The following IQCM variants were observed in gnomAD, a reference collection of about 807,000 sequenced individuals.
IQCM encodes the protein IQ domain-containing protein M.
In IQCM, 45 loss-of-function variants were observed where a neutral mutation model predicts 57.6. The observed-to-expected ratio is 0.78, with a 90% CI of 0.62 to 1.00. The LOEUF is 1.00. IQCM is among the 50% of genes least tolerant of loss of function. The probability of loss-of-function intolerance (pLI) is 0.00; values close to 1 mark genes in which losing one functional copy is unlikely to be tolerated. For missense variants in IQCM, 468 were observed against 511.6 expected (o/e 0.91, Z 0.82); for synonymous variants, 148 against 158.9 (o/e 0.93, Z 0.51).
intron 13 of IQCM, among the ~76,000 whole-genome samples, chr4:149,399,024 C>T (rs780899591): frequency 6.6e-5 from 10 of 152,020 alleles, no homozygotes; most frequent in Non-Finnish European, 1.5e-4. Context: ...CATGAGCAAC[C>T]GTGCCTGGTC....
chr4:149,813,213 G>A, intron 2 of IQCM, among the ~76,000 whole-genome samples: 1 of 151,952 alleles, frequency 6.6e-6, no homozygotes, highest in African/African-American at 2.4e-5. Flanking sequence ...TTCTACACCA[G>A]ACCCTGCTGT....
intron 8 of IQCM, among the ~76,000 whole-genome samples, chr4:149,614,733 A>G (rs1755628349): frequency 6.6e-6 from 1 of 152,188 alleles, no homozygotes; most frequent in Non-Finnish European, 1.5e-5. Context: ...GCTAAAAAGA[A>G]AAATCGCCAA....
At chr4:149,769,576 A>G (rs2149983888) in intron 2 of IQCM, among the ~76,000 whole-genome samples, 1 of 152,172 alleles carries the variant, frequency 6.6e-6, no homozygotes, top group Admixed American at 6.6e-5. Flanking sequence ...AAAGTTTAAA[A>G]GTAAAAGGAT....
rs1767573192 is a variant in IQCM, at chr4:149,742,716, T to C, written c.-25A>G. 4.9e-6 allele frequency: 6 copies of C among 1,230,140 alleles called. 1 individual carries two copies. In the South Asian group the frequency reaches 2.5e-4, roughly 51 times the overall value. The allele number at this position is 1,230,140 out of a possible 1,614,324, so 76.2% of individuals were successfully genotyped here. On this transcript the variant is annotated 5_prime_UTR_variant, in exon 3 of 14. Transcript: ENST00000636793. ...TGAGGGGCAGTTAGAATGATCTTCT[T>C]TTTTAAAGTGTGAGCTCCAAGTCCT... is the stretch of plus-strand genomic sequence containing the variant.
chr4:149,686,053 T>C (rs1478466470), intron 6 of IQCM, among the ~76,000 whole-genome samples: 2 of 151,576 alleles, frequency 1.3e-5, no homozygotes, highest in African/African-American at 4.8e-5. Flanking sequence ...AGATGAGTTA[T>C]TAAAATTCTA....
chr4:149,554,848 C>G (rs1749410343), intron 10 of IQCM, among the ~76,000 whole-genome samples: 1 of 151,644 alleles, frequency 6.6e-6, no homozygotes, highest in African/African-American at 2.4e-5. Context: ...TACAGGCGCC[C>G]CCCACCACGC....
intron 7 of IQCM, among the ~76,000 whole-genome samples, chr4:149,628,205 T>C (rs1279501854): frequency 6.6e-6 from 1 of 152,088 alleles, no homozygotes; most frequent in Non-Finnish European, 1.5e-5. Context: ...AATCTAAAAA[T>C]ATTCTGCTAG....
intron 8 of IQCM, among the ~76,000 whole-genome samples, chr4:149,593,500 A>G (rs954316457): frequency 6.6e-6 from 1 of 152,124 alleles, no homozygotes; most frequent in Non-Finnish European, 1.5e-5. Context: ...TATGTTGAAT[A>G]AGAGTGGTGA....
At chr4:149,380,536 A>G (rs1050029689) in intron 13 of IQCM, among the ~76,000 whole-genome samples, 2 of 152,102 alleles carry the variant, frequency 1.3e-5, no homozygotes, top group Admixed American at 6.6e-5. Context: ...ATATGCTTAG[A>G]TCAGGGAGGA....
At chr4:149,696,509 G>T (rs552916543) in intron 5 of IQCM, among the ~76,000 whole-genome samples, 1 of 152,170 alleles carries the variant, frequency 6.6e-6, no homozygotes, top group Non-Finnish European at 1.5e-5. Flanking sequence ...TTTAAATACT[G>T]TTCATACACC....
intron 10 of IQCM, among the ~76,000 whole-genome samples, chr4:149,553,866 A>G (rs1749280468): frequency 6.6e-6 from 1 of 152,116 alleles, no homozygotes; most frequent in Non-Finnish European, 1.5e-5. Flanking sequence ...CTGTGTATGC[A>G]TTTTCAACAT....
At chr4:149,749,111 C>G (rs143054737) in intron 2 of IQCM, among the ~76,000 whole-genome samples, 1 of 152,180 alleles carries the variant, frequency 6.6e-6, no homozygotes, top group East Asian at 1.9e-4. Context: ...CACACACTGC[C>G]TGTTGCAGTG....
At chr4:149,623,172 A>T (rs1262750931) in intron 7 of IQCM, among the ~76,000 whole-genome samples, 2 of 152,222 alleles carry the variant, frequency 1.3e-5, no homozygotes, top group Admixed American at 1.3e-4. Flanking sequence ...TTTAAAAAAT[A>T]AAATTAAATA....
intron 9 of IQCM, among the ~76,000 whole-genome samples, chr4:149,578,539 G>A (rs942210821): frequency 4.6e-5 from 7 of 151,574 alleles, no homozygotes; most frequent in African/African-American, 1.7e-4. Flanking sequence ...TTCCTCTTGG[G>A]GATACTTCTG....
At chr4:149,554,643 G>C in intron 10 of IQCM, among the ~76,000 whole-genome samples, 1 of 150,454 alleles carries the variant, frequency 6.6e-6, no homozygotes, top group East Asian at 2.0e-4. Flanking sequence ...AAGATTTTTT[G>C]TTTGTTTGTT....
At chr4:149,380,007 G>T (rs942766513) in intron 13 of IQCM, among the ~76,000 whole-genome samples, 2 of 152,056 alleles carry the variant, frequency 1.3e-5, no homozygotes, top group Non-Finnish European at 2.9e-5. Flanking sequence ...AACCCCTTTC[G>T]CTTGGTTTTC....
rs1188920272 is a variant in IQCM, at chr4:149,587,983, G to A, written c.696C>T (p.Thr232=). The stretch of plus-strand genomic sequence containing the variant: ...TAGGTTGTCGCTCCTTTTTAATAAG[G>A]GTTTTAAAGGTTTTCTATAATAAGG... ...FRDYYSKTFK[T]LIKKERQPIK... The change falls in exon 9 of 14, where the codon ACC becomes ACT. Residue 232 remains threonine (T), a synonymous_variant. Transcript: ENST00000636793. 1.6e-6 allele frequency: 2 copies of A among 1,221,110 alleles called. No homozygotes were observed. Among genetic ancestry groups the A allele is most frequent in the Non-Finnish European group, 1.0e-6 (1 of 978,834 alleles). The allele number at this position is 1,221,110 out of a possible 1,614,324, so 75.6% of individuals were successfully genotyped here. A position where few individuals can be genotyped will look rare whatever the true frequency, so the allele number is the denominator to read the frequency against.
chr4:149,721,594 C>A (rs961026369), intron 5 of IQCM, among the ~76,000 whole-genome samples: 1 of 152,068 alleles, frequency 6.6e-6, no homozygotes, highest in African/African-American at 2.4e-5. Context: ...TCCTTCCATT[C>A]CACCTAAGTT....
chr4:149,484,910 T>C (rs999943795), intron 12 of IQCM, among the ~76,000 whole-genome samples: 5 of 152,130 alleles, frequency 3.3e-5, no homozygotes, highest in African/African-American at 1.2e-4. Context: ...CTTTTATCTA[T>C]CTGGGACAGT....
Sources: allele counts gnomAD v4.1 joint callset (sites outside exome capture counted in the v4.1 genomes callset), GRCh38; gene constraint gnomAD v4.1.1; transcripts MANE v1.5; gene names NCBI Gene and HGNC (gene_info 2026-07-23, HGNC 2026-07-21).